PFKP: variants seen among roughly 807,000 people sequenced by gnomAD.
The protein encoded by PFKP is phosphofructokinase, platelet, also known as ATP-dependent 6-phosphofructokinase, platelet type.
In PFKP, 101 loss-of-function variants were observed where a neutral mutation model predicts 94.3. That is an observed-to-expected ratio of 1.07 (90% confidence interval 0.91 to 1.26). The LOEUF (loss-of-function observed/expected upper bound fraction) is 1.26. PFKP is among the 50% of genes most tolerant of loss of function. The pLI is 0.00. For synonymous variants in PFKP, 573 were observed against 432.6 expected, an observed-to-expected ratio of 1.32 and a Z score of -4.03; for missense variants, 1,145 against 1,103.3, an observed-to-expected ratio of 1.04 and a Z score of -0.53.
chr10:3,134,749 A>G (rs1488456958), intron 20 of PFKP, among the ~76,000 whole-genome samples, 167 bp downstream of exon 20: 1 of 152,142 alleles, frequency 6.6e-6, no homozygotes, highest in Non-Finnish European at 1.5e-5. Context: ...TATTTAACCA[A>G]CCTTGGATTC....
At chr10:3,112,343 G>C (rs1238061846) in intron 11 of PFKP, 57 bp downstream of exon 11, 5 of 1,269,368 alleles carry the variant, frequency 3.9e-6, no homozygotes, top group Non-Finnish European at 2.3e-6. Context: ...CTCAGGCCCA[G>C]CCACTGCAAA....
At chr10:3,116,990 C>T (rs1367195477) in intron 14 of PFKP, 144 bp downstream of exon 14, 3 of 707,684 alleles carry the variant, frequency 4.2e-6, no homozygotes, top group Non-Finnish European at 7.7e-6. Flanking sequence ...TACCGGTCCT[C>T]CCTCCAGTGG....
intron 16 of PFKP, among the ~76,000 whole-genome samples, chr10:3,120,369 C>CTGTGTGTGTGTGTG (rs3841457): frequency 4.1e-4 from 45 of 108,578 alleles, no homozygotes; most frequent in South Asian, 9.8e-4. Context: ...TTAAAAATCG[C>CTGTGTGTGTGTGTG]TGTGTGTGTG....
Position 3,105,274 on chromosome 10 carries a change from C to T in PFKP, c.665+115C>T, listed in dbSNP as rs140844105. On this transcript the variant is annotated intron_variant, in intron 6 of 21. Transcript: ENST00000381125. ...CTCCCGTGGAAAGTCCTGAAGGGGC[C>T]GGCATCCCGCTTCATACCTGGCGTT... is the stretch of plus-strand genomic sequence containing the variant. The T allele has an allele frequency of 3.4e-5, 44 of 1,302,640 alleles. No individual in the cohort carries two copies. The South Asian group carries it at 3.9e-4, about 12-fold the overall frequency. The allele number at this position is 1,302,640 out of a possible 1,614,324, so 80.7% of individuals were successfully genotyped here. A position where few individuals can be genotyped will look rare whatever the true frequency, so the allele number is the denominator to read the frequency against.
chr10:3,088,892 G>A (rs940791462), intron 2 of PFKP, among the ~76,000 whole-genome samples: 9 of 151,714 alleles, frequency 5.9e-5, no homozygotes, highest in Non-Finnish European at 7.4e-5. Context: ...TCCCACGTAT[G>A]AGTGAGAACA....
chr10:3,071,807 T>C (rs2131372841), intron 1 of PFKP, among the ~76,000 whole-genome samples: 1 of 152,344 alleles, frequency 6.6e-6, no homozygotes, highest in East Asian at 1.9e-4. Flanking sequence ...TACAAACCTT[T>C]CCAATCCTAG....
Position 3,088,991 on chromosome 10 carries a change from GCCCAGTCTTC to G in PFKP, c.186+6531_186+6540del, listed in dbSNP as rs1056927064. ...CTGTTGCCCAGGCTGGAGTGCAATG[GCCCAGTCTTC>G]GCTCACTGCAACCTCTGCCTCCCGG... is the stretch of plus-strand genomic sequence containing the variant. On this transcript the variant is annotated intron_variant, in intron 2 of 21. Coordinates refer to ENST00000381125, the MANE Select transcript of PFKP (RefSeq NM_002627.5). Among the ~76,000 whole-genome samples, 21 of 152,090 alleles carry G rather than the reference GCCCAGTCTTC, an allele frequency of 1.4e-4. 2 individuals are homozygous for G. Among genetic ancestry groups the G allele is most frequent in the Admixed American group, 1.3e-4 (2 of 15,262 alleles).
At chr10:3,105,616 T>C in intron 7 of PFKP, 115 bp downstream of exon 7, 1 of 716,154 alleles carries the variant, frequency 1.4e-6, no homozygotes, top group East Asian at 2.7e-5. Context: ...GTCTCCAGTT[T>C]GTCACACTTT....
intron 4 of PFKP, among the ~76,000 whole-genome samples, chr10:3,102,047 C>A (rs993722757): frequency 6.7e-6 from 1 of 150,320 alleles, no homozygotes; most frequent in African/African-American, 2.4e-5. Flanking sequence ...GTCAGGAGAT[C>A]GAGACCATCC....
chr10:3,133,338 GC>G, intron 19 of PFKP, 24 bp downstream of exon 19: 1 of 1,402,322 alleles, frequency 7.1e-7, no homozygotes, highest in Non-Finnish European at 1.0e-6. Flanking sequence ...TGCATGAGGG[GC>G]CACAAAGCCC....
At position 3,120,367 on chromosome 10, in the gene PFKP, C is replaced by A. The variant is rs560034855; in HGVS notation, c.1683+323C>A. ...CTGTGATTGTACCAGCATTAAAAAT[C>A]GCTGTGTGTGTGTGTGTGTGTGTGT... On this transcript the variant is annotated intron_variant, in intron 16 of 21. Transcript: ENST00000381125. Among the ~76,000 whole-genome samples, 236 of 35,794 alleles carry A rather than the reference C, an allele frequency of 6.6e-3. 1 individual carries two copies. Among genetic ancestry groups the A allele is most frequent in the African/African-American group, 0.027 (228 of 8,402 alleles). The allele number at this position is 35,794 out of a possible 152,430, so 23.5% of individuals were successfully genotyped here.
chr10:3,134,305 T>C (rs1358304342), intron 19 of PFKP, among the ~76,000 whole-genome samples, 178 bp from the exon 20 acceptor site: 3 of 152,228 alleles, frequency 2.0e-5, no homozygotes, highest in Non-Finnish European at 4.4e-5. Flanking sequence ...GGGGAACACT[T>C]GATACTTTTT....
At chr10:3,130,998 C>T (rs57436803) in intron 17 of PFKP, among the ~76,000 whole-genome samples, 22,193 of 152,168 alleles carry the variant, frequency 0.15, 1,670 homozygotes, top group African/African-American at 0.18. Context: ...TTCACTGCAT[C>T]ATGATGTTTC....
chr10:3,071,473 T>A (rs1832193844), intron 1 of PFKP, among the ~76,000 whole-genome samples: 2 of 150,212 alleles, frequency 1.3e-5, no homozygotes, highest in African/African-American at 4.9e-5. Flanking sequence ...TGCCTCTTTA[T>A]GTATCTTCTG....
chr10:3,135,991 C>T lies in PFKP; in HGVS notation c.2225+153C>T, dbSNP rs180999082. Among the ~76,000 whole-genome samples the T allele has an allele frequency of 5.8e-3, 880 of 152,216 alleles. 6 individuals are homozygous for T. The highest frequency in any genetic ancestry group is 0.02 in the African/African-American group (842 of 41,520). On this transcript the variant is annotated intron_variant, in intron 21 of 21. Coordinates refer to ENST00000381125, the MANE Select transcript of PFKP (RefSeq NM_002627.5). ...AAAAAAATACTAGGTCTTGGCTGGG[C>T]GCGGTGGCTCATGCCTATAATCCCA...
intron 1 of PFKP, among the ~76,000 whole-genome samples, chr10:3,072,597 G>A (rs1832278809): frequency 6.6e-6 from 1 of 151,790 alleles, no homozygotes; most frequent in Non-Finnish European, 1.5e-5. Flanking sequence ...ATCATTTTCT[G>A]TGAATGCAGA....
chr10:3,075,904 CAAA>C lies in PFKP; in HGVS notation c.113-6466_113-6464del, dbSNP rs577636701. ...TGGGCAACAGAGTGAGACCCTATCG[CAAA>C]AAAAAAAAAAAAAAAAAGTAGTGAA... On this transcript the variant is annotated intron_variant, in intron 1 of 21. Coordinates refer to ENST00000381125, the MANE Select transcript of PFKP (RefSeq NM_002627.5). Among the ~76,000 whole-genome samples, 558 of 70,306 alleles carry C rather than the reference CAAA, an allele frequency of 7.9e-3. 10 individuals carry two copies. Among genetic ancestry groups the C allele is most frequent in the African/African-American group, 0.028 (535 of 18,956 alleles). The allele number at this position is 70,306 out of a possible 152,430, so 46.1% of individuals were successfully genotyped here. A position where few individuals can be genotyped will look rare whatever the true frequency, so the allele number is the denominator to read the frequency against.
At chr10:3,112,892 T>C (rs925736819) in intron 11 of PFKP, among the ~76,000 whole-genome samples, 1 of 152,258 alleles carries the variant, frequency 6.6e-6, no homozygotes, top group African/African-American at 2.4e-5. Context: ...TTATGAAGTG[T>C]AGAAGCGTGC....
chr10:3,108,003 G>T (rs1835805129), intron 8 of PFKP: 1 of 1,289,548 alleles, frequency 7.8e-7, no homozygotes, highest in Non-Finnish European at 1.0e-6. Flanking sequence ...GCTTTGTTAT[G>T]GTCAGTTAAG....
Sources: allele counts gnomAD v4.1 joint callset (sites outside exome capture counted in the v4.1 genomes callset), GRCh38; gene constraint gnomAD v4.1.1; transcripts MANE v1.5; gene names NCBI Gene and HGNC (gene_info 2026-07-23, HGNC 2026-07-21).